GYS1: variants seen among roughly 807,000 people sequenced by gnomAD.
GYS1 encodes the protein glycogen [starch] synthase, muscle.
Under a neutral mutation model 89.1 loss-of-function variants are expected in GYS1, and 60 were observed. The observed-to-expected ratio is 0.67, with a 90% CI of 0.55 to 0.84. The LOEUF is 0.84. Among genes scored for constraint, GYS1 ranks in the 40% least tolerant of loss-of-function variants. The pLI is 0.00. For synonymous variants in GYS1, 366 were observed against 401.7 expected (o/e 0.91, Z 1.06); for missense variants, 888 against 1,003.1 (o/e 0.89, Z 1.55).
rs541846759 is a variant in GYS1 at position 48,985,913 on chromosome 19, A to G, written c.615T>C (p.His205=). The G allele has an allele frequency of 1.2e-6, 2 of 1,614,162 alleles. No individual in the cohort carries two copies. The highest frequency in any genetic ancestry group is 2.2e-5 in the South Asian group (2 of 91,078). Residue 205 remains histidine (H), a synonymous_variant, in exon 4 of 16, where the codon CAT becomes CAC. Coordinates refer to ENST00000323798, the MANE Select transcript of GYS1 (RefSeq NM_002103.5). The part of the protein sequence containing the change: ...RLPVATIFTT[H]ATLLGRYLCA... ...ACAGGTAGCGCCCCAGCAGCGTGGCATGGGTGGTGAAGATGGTTGCTACAG... is the reference window on the plus strand; with the variant it reads ...ACAGGTAGCGCCCCAGCAGCGTGGCGTGGGTGGTGAAGATGGTTGCTACAG...
rs765569128 is a variant in GYS1, at chr19:48,970,533, G to T, written c.1809+13C>A. 1 of 1,612,120 alleles carries T rather than the reference G, an allele frequency of 6.2e-7. No individual in the cohort carries two copies. Among genetic ancestry groups the T allele is most frequent in the Admixed American group, 1.7e-5 (1 of 59,992 alleles). On this transcript the variant is annotated intron_variant, in intron 14 of 15. Coordinates refer to ENST00000323798, the MANE Select transcript of GYS1 (RefSeq NM_002103.5). The stretch of plus-strand genomic sequence containing the variant: ...TGATTTGCCAGGAGAGGATAGGAAA[G>T]TGGGGGTCCTACCCGGCCTAGGTAT...
In GYS1 at chr19:48,974,262, A is replaced by T; in HGVS notation, c.1500T>A (p.Cys500Ter). The part of the protein sequence containing the change: ...PVDYEEFVRG[C>*]HLGVFPSYYE... ...AGTAGGAGGGGAAGACTCCAAGGTG[A>T]CAGCCACGGACAAACTCCTCATAGT... Residue 500 changes from cysteine (C) to a stop codon, truncating the protein, a stop_gained, in exon 12 of 16, where the codon TGT becomes TGA. Transcript: ENST00000323798. LOFTEE classifies it high-confidence loss of function. 1.2e-6 allele frequency: 2 copies of T among 1,613,586 alleles called. No homozygotes were observed. The highest frequency in any genetic ancestry group is 1.7e-6 in the Non-Finnish European group (2 of 1,179,776).
chr19:48,976,758 T>C (rs1461240623), intron 10 of GYS1, among the ~76,000 whole-genome samples: 1 of 152,096 alleles, frequency 6.6e-6, no homozygotes, highest in Admixed American at 6.6e-5. Context: ...CTTTTCTTTC[T>C]TTTCCTTCTT....
chr19:48,987,200 C>G lies in GYS1; in HGVS notation c.486G>C (p.Leu162=), dbSNP rs1283318763. Reference sequence around the variant, plus strand: ...TGTGTCAGACGGGGCCTACCTCACCCAGGAACCAGGTGGTCAGAAAGCCAA... The same window carrying G: ...TGTGTCAGACGGGGCCTACCTCACCGAGGAACCAGGTGGTCAGAAAGCCAA... ...VLFGFLTTWF[L]GEFLAQSEEK... The change falls in exon 3 of 16, where the codon CTG becomes CTC. Residue 162 remains leucine, a synonymous_variant. Transcript: ENST00000323798. 1.2e-6 allele frequency: 2 copies of G among 1,611,022 alleles called. No homozygotes were observed. The highest frequency in any genetic ancestry group is 1.7e-5 in the Admixed American group (1 of 59,928).
chr19:48,974,182 G>A lies in GYS1; in HGVS notation c.1549+31C>T, dbSNP rs1320031573. ...ATGCTAGCTCTGACTAGGATGCCATGACCACGCTGTCCCCTGCCCACTACA... is the reference window on the plus strand; with the variant it reads ...ATGCTAGCTCTGACTAGGATGCCATAACCACGCTGTCCCCTGCCCACTACA... On this transcript the variant is annotated intron_variant, in intron 12 of 15. Coordinates refer to ENST00000323798, the MANE Select transcript of GYS1 (RefSeq NM_002103.5). 3.8e-6 allele frequency: 6 copies of A among 1,570,156 alleles called. No homozygotes were observed. In the South Asian group the frequency reaches 5.8e-5, roughly 15 times the overall value.
chr19:48,983,026 G>T (rs375626466), intron 5 of GYS1, among the ~76,000 whole-genome samples, 189 bp from the exon 6 acceptor site: 4 of 152,070 alleles, frequency 2.6e-5, no homozygotes, highest in Middle Eastern at 3.4e-3. Context: ...TCTCTCTGTC[G>T]CTCAGGCTGG....
rs900047388 is a variant in GYS1, at chr19:48,968,319, G to A, written c.*969C>T. 15 of 454,286 alleles carry A rather than the reference G, an allele frequency of 3.3e-5. No individual in the cohort carries two copies. Among genetic ancestry groups the A allele is most frequent in the Non-Finnish European group, 6.2e-5 (14 of 226,780 alleles). 28.1% of individuals were successfully genotyped at this position (454,286 alleles called of 1,614,324 possible). A position where few individuals can be genotyped will look rare whatever the true frequency, so the allele number is the denominator to read the frequency against. ...ATGGAAGAGCCTCGAGGTAAATGTG[G>A]GGGTTCTAGAACCCAGTGACCTCAG... On this transcript the variant is annotated 3_prime_UTR_variant, in exon 16 of 16. Transcript: ENST00000323798.
In GYS1 at chr19:48,974,638, G is replaced by A; in HGVS notation, c.1404C>T (p.Ser468=). 1 of 1,612,874 alleles carries A rather than the reference G, an allele frequency of 6.2e-7. No individual in the cohort carries two copies. The highest frequency in any genetic ancestry group is 8.5e-7 in the Non-Finnish European group (1 of 1,178,844). The change falls in exon 11 of 16, where the codon AGC becomes AGT. Residue 468 remains serine, a synonymous_variant. Coordinates refer to ENST00000323798, the MANE Select transcript of GYS1 (RefSeq NM_002103.5). ...CCCTCACCTTCACCCTGTCGGCACTGCTATTGAAGAGGCCGATTCGGCGGA... is the reference window on the plus strand; with the variant it reads ...CCCTCACCTTCACCCTGTCGGCACTACTATTGAAGAGGCCGATTCGGCGGA... ...TTIRRIGLFN[S]SADRVKVIFH... is the part of the protein sequence containing the mutation.
intron 5 of GYS1, among the ~76,000 whole-genome samples, chr19:48,983,111 C>T (rs1270424378): frequency 6.6e-6 from 1 of 152,090 alleles, no homozygotes; most frequent in Non-Finnish European, 1.5e-5. Flanking sequence ...CTCAGCCTCC[C>T]GAGTAGCTGG....
Position 48,969,506 on chromosome 19 carries a change from C to T in GYS1, c.1996G>A (p.Gly666Arg). The T allele has an allele frequency of 1.9e-6, 3 of 1,544,376 alleles. No individual in the cohort carries two copies. The highest frequency in any genetic ancestry group is 1.7e-6 in the Non-Finnish European group (2 of 1,146,878). Residue 666 changes from glycine to arginine, a missense_variant, in exon 16 of 16, where the codon GGG becomes AGG. By Grantham distance (125) the Gly-to-Arg change is moderately radical. Coordinates refer to ENST00000323798, the MANE Select transcript of GYS1 (RefSeq NM_002103.5). ...QSEDEEDPRN[G>R]PLEEDGERYD... The stretch of plus-strand genomic sequence containing the variant: ...CGCTCGCCGTCTTCCTCCAGCGGCC[C>T]GTTCCGGGGATCCTCCTCGTCCTCA...
In GYS1 at chr19:48,973,539, C is replaced by T. The variant is rs530457034; in HGVS notation, c.1549+674G>A. Among the ~76,000 whole-genome samples, 26 of 132,582 alleles carry T rather than the reference C, an allele frequency of 2.0e-4. No homozygotes were observed. The South Asian group carries it at 4.4e-3, about 23-fold the overall frequency. The allele number at this position is 132,582 out of a possible 152,430, so 87.0% of individuals were successfully genotyped here. ...TTTTTTTTTTTTTGAGACGGAGTCT[C>T]GCTCTGTCACCCAGAGCACAGCACT... On this transcript the variant is annotated intron_variant, in intron 12 of 15. Coordinates refer to ENST00000323798, the MANE Select transcript of GYS1 (RefSeq NM_002103.5).
chr19:48,981,642 CAGAA>C lies in GYS1; in HGVS notation c.1063-10_1063-7del, dbSNP rs2038765763. ...GTCTGCTCGCTGCCGTTCACCTGCGCAGAAAGAAAGGAGGGGGAGGCCAGGATCA... is the reference window on the plus strand; with the variant it reads ...GTCTGCTCGCTGCCGTTCACCTGCGCAGAAAGGAGGGGGAGGCCAGGATCA... On this transcript the variant is annotated splice_polypyrimidine_tract_variant and splice_region_variant and intron_variant, in intron 7 of 15. Coordinates refer to ENST00000323798, the MANE Select transcript of GYS1 (RefSeq NM_002103.5). 1 of 1,592,912 alleles carries C rather than the reference CAGAA, an allele frequency of 6.3e-7. No individual in the cohort carries two copies. Among genetic ancestry groups the C allele is most frequent in the Non-Finnish European group, 8.6e-7 (1 of 1,160,830 alleles).
intron 10 of GYS1, among the ~76,000 whole-genome samples, chr19:48,976,822 T>TGGCATAATCATAGCTCACTGCAGC (rs369035391): frequency 6.6e-6 from 1 of 152,042 alleles, no homozygotes; most frequent in Non-Finnish European, 1.5e-5. Context: ...TGGAGTGCAG[T>TGGCATAATCATAGCTCACTGCAGC]GGCATAATCA....
At chr19:48,976,375 A>G (rs1156835055) in intron 10 of GYS1, among the ~76,000 whole-genome samples, 1 of 152,072 alleles carries the variant, frequency 6.6e-6, no homozygotes. Flanking sequence ...GGGAAGCGTC[A>G]ATGCCCCAGA....
In GYS1 at chr19:48,993,017, C is replaced by T. The variant is rs1371127781; in HGVS notation, c.96G>A (p.Val32=). The change falls in exon 1 of 16, where the codon GTG becomes GTA. Residue 32 remains valine (V), a synonymous_variant. Coordinates refer to ENST00000323798, the MANE Select transcript of GYS1 (RefSeq NM_002103.5). ...CACCCTTGTTAGCCACCTCCCAGGC[C>T]ACTTCGAAGAGCACTGCGTTCTCCA... ...FDLENAVLFE[V]AWEVANKVGG... The T allele has an allele frequency of 6.2e-7, 1 of 1,609,614 alleles. No homozygotes were observed. The highest frequency in any genetic ancestry group is 8.5e-7 in the Non-Finnish European group (1 of 1,175,960).
chr19:48,972,046 A>T (rs2038573318), intron 12 of GYS1, among the ~76,000 whole-genome samples: 1 of 151,690 alleles, frequency 6.6e-6, no homozygotes, highest in South Asian at 2.1e-4. Context: ...TAAAAAAAAA[A>T]AAGGCCGGGC....
intron 10 of GYS1, among the ~76,000 whole-genome samples, chr19:48,975,465 T>C (rs1219618098): frequency 6.6e-6 from 1 of 152,082 alleles, no homozygotes; most frequent in Non-Finnish European, 1.5e-5. Context: ...GCAACTCCCT[T>C]ACCTCCAAGG....
Position 48,987,188 on chromosome 19 carries a change from G to A in GYS1, c.492+6C>T, listed in dbSNP as rs1314987953. The stretch of plus-strand genomic sequence containing the variant: ...GTATGGGTGGAATGTGTCAGACGGG[G>A]CCTACCTCACCCAGGAACCAGGTGG... On this transcript the variant is annotated splice_donor_region_variant and intron_variant, in intron 3 of 15. Transcript: ENST00000323798. The A allele has an allele frequency of 6.2e-7, 1 of 1,601,584 alleles. No individual in the cohort carries two copies. Among genetic ancestry groups the A allele is most frequent in the Non-Finnish European group, 8.6e-7 (1 of 1,169,118 alleles).
intron 11 of GYS1, 60 bp from the exon 12 acceptor site, chr19:48,974,399 C>T: frequency 6.3e-7 from 1 of 1,580,604 alleles, no homozygotes; most frequent in Non-Finnish European, 8.7e-7. Context: ...CCTGAGATCC[C>T]AAGGTGGCCC....
Sources: gnomAD v4.1 joint callset for allele counts (sites outside exome capture counted in the v4.1 genomes callset) on GRCh38, gnomAD v4.1.1 for gene constraint, MANE v1.5 for transcripts, NCBI Gene and HGNC (gene_info 2026-07-23, HGNC 2026-07-21) for gene names.